Variants in PRKD3 observed in about 807,000 individuals in gnomAD.
PRKD3 encodes the protein protein kinase D3, also known as serine/threonine-protein kinase D3.
Under a neutral mutation model 99.2 loss-of-function variants are expected in PRKD3, and 47 were observed. The observed-to-expected ratio is 0.47, with a 90% confidence interval of 0.38 to 0.60. The LOEUF is 0.60. Ranked by LOEUF, PRKD3 falls within the 20% of genes least tolerant of loss-of-function variation. PRKD3 has a pLI of 0.00. For missense variants in PRKD3, 1,019 were observed against 1,088.4 expected, an observed-to-expected ratio of 0.94 and a Z score of 0.90; for synonymous variants, 392 against 355.4, an observed-to-expected ratio of 1.10 and a Z score of -1.16.
chr2:37,302,854 C>A (rs565433239), intron 2 of PRKD3, among the ~76,000 whole-genome samples: 12 of 152,102 alleles, frequency 7.9e-5, no homozygotes, highest in African/African-American at 2.9e-4. Context: ...AAATACTAGG[C>A]AGACAGGGGT....
chr2:37,282,683 A>C (rs977548451), intron 6 of PRKD3, 64 bp from the exon 7 acceptor site: 1 of 1,108,690 alleles, frequency 9.0e-7, no homozygotes, highest in Non-Finnish European at 1.4e-6. Flanking sequence ...ATATGGTTAG[A>C]CTTTCTTTAA....
chr2:37,262,118 C>T lies in PRKD3; in HGVS notation c.1885-1734G>A, dbSNP rs182179043. Among the ~76,000 whole-genome samples, 120 of 152,220 alleles carry T rather than the reference C, an allele frequency of 7.9e-4. No homozygotes were observed. The East Asian group carries it at 9.1e-3, about 12-fold the overall frequency. On this transcript the variant is annotated intron_variant, in intron 14 of 18. Coordinates refer to ENST00000234179, the MANE Select transcript of PRKD3 (RefSeq NM_005813.6). ...AGATGGGTTTATGGAGATATGACCC[C>T]GTCGCAAAATGAGGAGCATCCTGTA...
At chr2:37,314,119 T>C (rs1458543697) in intron 2 of PRKD3, among the ~76,000 whole-genome samples, 1 of 152,004 alleles carries the variant, frequency 6.6e-6, no homozygotes, top group Non-Finnish European at 1.5e-5. Flanking sequence ...CGAGAAAAGA[T>C]AAGAGAAAGT....
At chr2:37,264,568 T>C (rs1226398781) in intron 14 of PRKD3, among the ~76,000 whole-genome samples, 2 of 152,060 alleles carry the variant, frequency 1.3e-5, no homozygotes, top group African/African-American at 2.4e-5. Context: ...GGAGGCTTCA[T>C]TGAGGAAATG....
At chr2:37,290,269 C>T (rs547603074) in intron 4 of PRKD3, among the ~76,000 whole-genome samples, 18 of 152,156 alleles carry the variant, frequency 1.2e-4, no homozygotes, top group African/African-American at 3.4e-4. Flanking sequence ...CGCTCTTTCA[C>T]CCAGGCTGGA....
intron 2 of PRKD3, among the ~76,000 whole-genome samples, chr2:37,301,554 C>A (rs575795207): frequency 1.3e-5 from 2 of 152,070 alleles, no homozygotes; most frequent in African/African-American, 4.8e-5. Flanking sequence ...TAGCCTCAGC[C>A]TCCCAAAGTG....
intron 1 of PRKD3, among the ~76,000 whole-genome samples, chr2:37,318,866 GC>G (rs769556139): frequency 2.6e-5 from 4 of 152,292 alleles, no homozygotes; most frequent in African/African-American, 7.2e-5. Context: ...TCAAGTTCTG[GC>G]GGCTGGAGAA....
chr2:37,279,121 A>C (rs1186030080), intron 8 of PRKD3: 4 of 152,212 alleles, frequency 2.6e-5, no homozygotes, highest in Non-Finnish European at 5.9e-5. Context: ...TTCTTTAAGT[A>C]ACTCTTTGTT....
intron 2 of PRKD3, among the ~76,000 whole-genome samples, chr2:37,312,854 C>A (rs1671496400): frequency 6.6e-6 from 1 of 152,174 alleles, no homozygotes; most frequent in African/African-American, 2.4e-5. Context: ...TATCCTCCCA[C>A]TAGGAACAAA....
chr2:37,281,371 C>G (rs933548636), intron 7 of PRKD3, among the ~76,000 whole-genome samples: 1 of 152,184 alleles, frequency 6.6e-6, no homozygotes, highest in Non-Finnish European at 1.5e-5. Context: ...ACCAATCATG[C>G]TCTGTCAAGG....
intron 17 of PRKD3, among the ~76,000 whole-genome samples, chr2:37,256,153 A>G (rs1238969288): frequency 6.6e-6 from 1 of 152,260 alleles, no homozygotes; most frequent in South Asian, 2.1e-4. Flanking sequence ...GATTGTAGAC[A>G]AGGGAAAAAC....
At chr2:37,276,823 T>C (rs1269725129) in intron 9 of PRKD3, among the ~76,000 whole-genome samples, 1 of 145,348 alleles carries the variant, frequency 6.9e-6, no homozygotes, top group Non-Finnish European at 1.5e-5. Context: ...TATATATACA[T>C]ATATATTCAT....
At position 37,252,901 on chromosome 2, in the gene PRKD3, A is replaced by T. The variant is rs1305739161; in HGVS notation, c.*276T>A. Reference sequence around the variant, plus strand: ...AAGACAAATTAAGTGAGCCTATTGTATTAAAGTGAAGGATTAAGAAAAAAT... The same window carrying T: ...AAGACAAATTAAGTGAGCCTATTGTTTTAAAGTGAAGGATTAAGAAAAAAT... On this transcript the variant is annotated 3_prime_UTR_variant, in exon 19 of 19. Transcript: ENST00000234179. 5.4e-6 allele frequency: 1 copy of T among 184,514 alleles called. No individual in the cohort carries two copies. Among genetic ancestry groups the T allele is most frequent in the Non-Finnish European group, 1.1e-5 (1 of 91,140 alleles). The allele number at this position is 184,514 out of a possible 1,614,324, so 11.4% of individuals were successfully genotyped here. A position where few individuals can be genotyped will look rare whatever the true frequency, so the allele number is the denominator to read the frequency against.
At chr2:37,313,000 GA>G (rs1671504015) in intron 2 of PRKD3, among the ~76,000 whole-genome samples, 1 of 152,054 alleles carries the variant, frequency 6.6e-6, no homozygotes, top group African/African-American at 2.4e-5. Flanking sequence ...ATGACAATAG[GA>G]AGAAAATAGA....
chr2:37,293,051 A>G, intron 3 of PRKD3, 82 bp downstream of exon 3: 2 of 1,314,084 alleles, frequency 1.5e-6, no homozygotes, highest in Non-Finnish European at 2.1e-6. Context: ...AAGACTAAAT[A>G]TAATCGAATT....
rs149011008 is a variant in PRKD3, at chr2:37,286,857, C to G, written c.718-488G>C. 2.8e-3 allele frequency among the ~76,000 whole-genome samples: 424 copies of G among 152,176 alleles called. 2 individuals carry two copies. Among genetic ancestry groups the G allele is most frequent in the African/African-American group, 9.8e-3 (406 of 41,530 alleles). ...ATACAAAACTAATTAAAACAAGTTT[C>G]AGTAATTCAGCTTTAAGAAGAAGTA... is the stretch of plus-strand genomic sequence containing the variant. On this transcript the variant is annotated intron_variant, in intron 5 of 18. Transcript: ENST00000234179.
intron 18 of PRKD3, 80 bp from the exon 19 acceptor site, chr2:37,253,430 T>G (rs530498557): frequency 5.1e-5 from 66 of 1,298,670 alleles, no homozygotes; most frequent in Non-Finnish European, 6.6e-5. Context: ...TGTTTTTTTT[T>G]GTTGTTGTTT....
At chr2:37,274,788 G>C (rs1669477152) in intron 10 of PRKD3, 91 bp from the exon 11 acceptor site, 1 of 1,240,944 alleles carries the variant, frequency 8.1e-7, no homozygotes, top group Non-Finnish European at 1.1e-6. Flanking sequence ...GCATTTCAAT[G>C]AATGCCATTA....
chr2:37,259,992 C>T (rs1168247990), intron 15 of PRKD3, among the ~76,000 whole-genome samples: 1 of 151,986 alleles, frequency 6.6e-6, no homozygotes, highest in African/African-American at 2.4e-5. Context: ...CGGTGAAACC[C>T]CAGCTCTACT....
Sources: gnomAD v4.1 joint callset for allele counts (sites outside exome capture counted in the v4.1 genomes callset) on GRCh38, gnomAD v4.1.1 for gene constraint, MANE v1.5 for transcripts, NCBI Gene and HGNC (gene_info 2026-07-23, HGNC 2026-07-21) for gene names.